The following RGL1 variants were observed in gnomAD, a reference collection of about 807,000 sequenced individuals.
RGL1 encodes ral guanine nucleotide dissociation stimulator-like 1.
In RGL1, 24 loss-of-function variants were observed where a neutral mutation model predicts 95.2. That is an observed-to-expected ratio of 0.25 (90% confidence interval 0.18 to 0.35). The LOEUF (loss-of-function observed/expected upper bound fraction) is 0.35. RGL1 is among the 10% of genes least tolerant of loss of function. RGL1 has a pLI of 1.00. For missense variants in RGL1, 715 were observed against 936.3 expected (o/e 0.76, Z 3.08); for synonymous variants, 329 against 344.9 (o/e 0.95, Z 0.51).
chr1:183,897,702 G>A (rs891970809), intron 9 of RGL1, 106 bp from the exon 10 acceptor site: 32 of 748,654 alleles, frequency 4.3e-5, no homozygotes, highest in Admixed American at 2.6e-4. Flanking sequence ...ATGGTGTTCC[G>A]AGCGAGAGTT....
intron 17 of RGL1, among the ~76,000 whole-genome samples, chr1:183,925,859 A>G (rs1270486416): frequency 1.3e-5 from 2 of 152,042 alleles, no homozygotes; most frequent in African/African-American, 2.4e-5. Context: ...AACATTTTCT[A>G]TTGGAACATT....
intron 2 of RGL1, among the ~76,000 whole-genome samples, chr1:183,788,354 A>T (rs1259788869): frequency 6.6e-6 from 1 of 152,224 alleles, no homozygotes; most frequent in Non-Finnish European, 1.5e-5. Context: ...GAAAAATGGG[A>T]CAAATTCCTC....
chr1:183,880,215 C>T (rs1666744757), intron 4 of RGL1, among the ~76,000 whole-genome samples: 2 of 152,176 alleles, frequency 1.3e-5, no homozygotes, highest in Non-Finnish European at 2.9e-5. Context: ...TCAGTTATTT[C>T]CTAACATATT....
upstream of RGL1, among the ~76,000 whole-genome samples, chr1:183,801,182 A>G (rs1294110744): frequency 9.3e-6 from 1 of 107,644 alleles, no homozygotes; most frequent in Non-Finnish European, 2.1e-5. Flanking sequence ...TGTGTGTTTA[A>G]TAATGGCCAC....
chr1:183,805,628 G>T (rs1661243217), intron 1 of RGL1, among the ~76,000 whole-genome samples: 1 of 152,242 alleles, frequency 6.6e-6, no homozygotes, highest in Non-Finnish European at 1.5e-5. Context: ...CTGCGTCCCA[G>T]CGGCTCTTTA....
upstream of RGL1, among the ~76,000 whole-genome samples, chr1:183,803,226 C>T (rs564630972): frequency 1.3e-5 from 2 of 152,178 alleles, no homozygotes; most frequent in African/African-American, 2.4e-5. Context: ...ATACATAACA[C>T]GCTTTTCACT....
At chr1:183,806,564 G>A in intron 2 of RGL1, 79 bp downstream of exon 2, 3 of 1,015,080 alleles carry the variant, frequency 3.0e-6, no homozygotes, top group East Asian at 2.5e-5. Flanking sequence ...ATTTAACAGA[G>A]GCAGGCTTTT....
In RGL1 at chr1:183,900,584, A is replaced by G. The variant is rs999342765; in HGVS notation, c.1317+348A>G. On this transcript the variant is annotated intron_variant, in intron 11 of 17. Transcript: ENST00000360851. ...CAATGGCACGATCTTGGCTCACTGC[A>G]ATCTCTGCCTCTCGGGTTCAAGCAA... Among the ~76,000 whole-genome samples the G allele has an allele frequency of 4.6e-5, 7 of 152,230 alleles. No homozygotes were observed. In the South Asian group the frequency reaches 1.5e-3, roughly 32 times the overall value.
At chr1:183,689,371 T>A (rs1042495863) in intron 1 of RGL1, among the ~76,000 whole-genome samples, 2 of 152,230 alleles carry the variant, frequency 1.3e-5, no homozygotes, top group African/African-American at 4.8e-5. Context: ...TTTATCTTCA[T>A]GCATTTGTGT....
At chr1:183,681,601 A>G (rs1572268383) in intron 1 of RGL1, among the ~76,000 whole-genome samples, 1 of 152,184 alleles carries the variant, frequency 6.6e-6, no homozygotes, top group Admixed American at 6.5e-5. Context: ...GGATTTTTGC[A>G]TCGATGTTCA....
At chr1:183,641,830 A>G (rs929452997) in intron 1 of RGL1, among the ~76,000 whole-genome samples, 2 of 152,172 alleles carry the variant, frequency 1.3e-5, no homozygotes, top group African/African-American at 4.8e-5. Context: ...TTCTTCTATG[A>G]TTATTGATTT....
At chr1:183,712,702 C>T (rs1655359540) in intron 1 of RGL1, among the ~76,000 whole-genome samples, 1 of 152,160 alleles carries the variant, frequency 6.6e-6, no homozygotes, top group Non-Finnish European at 1.5e-5. Flanking sequence ...TTCATTGTTG[C>T]AGAGTTTGGC....
At chr1:183,882,407 G>A (rs569818207) in intron 5 of RGL1, among the ~76,000 whole-genome samples, 14 of 152,332 alleles carry the variant, frequency 9.2e-5, no homozygotes, top group African/African-American at 2.4e-4. Flanking sequence ...TTGACAAGAC[G>A]AGGGAGAGGC....
chr1:183,702,173 C>CCAAAGT (rs1375773264), intron 1 of RGL1, among the ~76,000 whole-genome samples: 1 of 151,952 alleles, frequency 6.6e-6, no homozygotes, highest in African/African-American at 2.4e-5. Context: ...TTCTGGTATG[C>CCAAAGT]CAAAGTCATC....
intron 1 of RGL1, among the ~76,000 whole-genome samples, chr1:183,661,943 G>A (rs1651663083): frequency 6.7e-6 from 1 of 150,176 alleles, no homozygotes; most frequent in Non-Finnish European, 1.5e-5. Flanking sequence ...CATATAAACA[G>A]AACCAAAGAC....
intron 1 of RGL1, among the ~76,000 whole-genome samples, chr1:183,701,152 T>C (rs931855383): frequency 6.6e-6 from 1 of 152,228 alleles, no homozygotes; most frequent in Non-Finnish European, 1.5e-5. Flanking sequence ...AGATTTAGAT[T>C]GATCAATTGT....
intron 10 of RGL1, 118 bp downstream of exon 10, chr1:183,898,015 T>C: frequency 2.7e-6 from 2 of 733,550 alleles, no homozygotes; most frequent in South Asian, 1.8e-5. Flanking sequence ...TCAGAAAGGG[T>C]CTCCCATTCT....
At chr1:183,779,158 C>CCCTTCCTTCCTTCCTTCCTTCCTTCCTT (rs34992555) in intron 2 of RGL1, among the ~76,000 whole-genome samples, 1 of 91,766 alleles carries the variant, frequency 1.1e-5, no homozygotes, top group Non-Finnish European at 2.3e-5. Flanking sequence ...TCAAAATTTT[C>CCCTTCCTTCCTTCCTTCCTTCCTTCCTT]CCTTCCTTCC....
chr1:183,883,132 G>A (rs1033200213), intron 5 of RGL1, among the ~76,000 whole-genome samples: 10 of 152,086 alleles, frequency 6.6e-5, no homozygotes, highest in South Asian at 2.1e-4. Context: ...CTTTTTATTC[G>A]GAATCCTGGG....
Sources: gnomAD v4.1 joint callset for allele counts (sites outside exome capture counted in the v4.1 genomes callset) on GRCh38, gnomAD v4.1.1 for gene constraint, MANE v1.5 for transcripts, NCBI Gene and HGNC (gene_info 2026-07-23, HGNC 2026-07-21) for gene names.